IFT57: variants seen among roughly 807,000 people sequenced by gnomAD.
IFT57 encodes intraflagellar transport protein 57 homolog.
IFT57 carries 59 observed loss-of-function variants against 56.8 expected under a neutral mutation model. The observed-to-expected ratio is 1.04, with a 90% CI of 0.84 to 1.29. The LOEUF is 1.29. Among genes scored for constraint, IFT57 ranks in the 50% most tolerant of loss-of-function variants. The probability of loss-of-function intolerance (pLI) is 0.00; values close to 1 mark genes in which losing one functional copy is unlikely to be tolerated. For synonymous variants in IFT57, 209 were observed against 186.1 expected, an observed-to-expected ratio of 1.12 and a Z score of -1.00; for missense variants, 470 against 522.1, an observed-to-expected ratio of 0.90 and a Z score of 0.97.
chr3:108,161,901 T>G lies in IFT57; in HGVS notation c.*576A>C, dbSNP rs1268463801. On this transcript the variant is annotated 3_prime_UTR_variant, in exon 11 of 11. Coordinates refer to ENST00000264538, the MANE Select transcript of IFT57 (RefSeq NM_018010.4). ...AGTGGCTTAGATCCTAGAAGATAGA[T>G]TCCCTATAAAATCATTTTAGCCACG... 1 of 152,192 alleles carries G rather than the reference T, an allele frequency of 6.6e-6. No homozygotes were observed. The highest frequency in any genetic ancestry group is 1.9e-4 in the East Asian group (1 of 5,200). The allele number at this position is 152,192 out of a possible 1,614,324, so 9.4% of individuals were successfully genotyped here.
chr3:108,196,931 C>A (rs548921081), intron 5 of IFT57, among the ~76,000 whole-genome samples: 1 of 152,150 alleles, frequency 6.6e-6, no homozygotes, highest in Non-Finnish European at 1.5e-5. Context: ...TAAAACTATA[C>A]TGTGCCTTGG....
At chr3:108,181,680 A>G (rs1158722884) in intron 6 of IFT57, among the ~76,000 whole-genome samples, 2 of 152,156 alleles carry the variant, frequency 1.3e-5, no homozygotes, top group Non-Finnish European at 2.9e-5. Context: ...TTTAAACAGC[A>G]GCATGTACAT....
rs541845795 is a variant in IFT57, at chr3:108,193,657, C to T, written c.655-2014G>A. On this transcript the variant is annotated intron_variant, in intron 5 of 10. Transcript: ENST00000264538. ...TGGATCTAGGGTAGCCCAAGAGTAT[C>T]ATAGCTGGGGAAGGAGGTGCTGCAT... is the stretch of plus-strand genomic sequence containing the variant. Among the ~76,000 whole-genome samples the T allele has an allele frequency of 3.3e-5, 5 of 152,162 alleles. No individual in the cohort carries two copies. In the South Asian group the frequency reaches 1.0e-3, roughly 32 times the overall value.
At chr3:108,196,337 ACC>A (rs2080244347) in intron 5 of IFT57, among the ~76,000 whole-genome samples, 1 of 151,932 alleles carries the variant, frequency 6.6e-6, no homozygotes. Flanking sequence ...AAGGGCGCAC[ACC>A]CGTCCATACT....
At chr3:108,191,778 TTC>T in intron 5 of IFT57, 135 bp from the exon 6 acceptor site, 1 of 510,708 alleles carries the variant, frequency 2.0e-6, no homozygotes, top group East Asian at 3.4e-5. Context: ...AGAAATTATT[TTC>T]TGTCTTCCTA....
intron 5 of IFT57, among the ~76,000 whole-genome samples, chr3:108,199,714 T>C (rs1021421828): frequency 2.6e-5 from 4 of 152,216 alleles, no homozygotes; most frequent in African/African-American, 9.6e-5. Flanking sequence ...CCAGGAATAG[T>C]GACTAAAACA....
chr3:108,209,479 C>T lies in IFT57; in HGVS notation c.586-2783G>A, dbSNP rs545498888. Among the ~76,000 whole-genome samples the T allele has an allele frequency of 5.3e-5, 8 of 152,166 alleles. No individual in the cohort carries two copies. In the South Asian group the frequency reaches 6.2e-4, roughly 12 times the overall value. ...CATGGATGGTAAGTTGACAAGGGGT[C>T]GACTTTTGATGGTAAATTTTATGTG... On this transcript the variant is annotated intron_variant, in intron 4 of 10. Coordinates refer to ENST00000264538, the MANE Select transcript of IFT57 (RefSeq NM_018010.4).
intron 5 of IFT57, among the ~76,000 whole-genome samples, chr3:108,202,357 A>G (rs1358092122): frequency 6.6e-6 from 1 of 152,248 alleles, no homozygotes; most frequent in African/African-American, 2.4e-5. Flanking sequence ...GGAAATGACT[A>G]GCACACCTTG....
intron 5 of IFT57, among the ~76,000 whole-genome samples, chr3:108,192,823 A>G (rs9871169): frequency 0.096 from 14,625 of 152,114 alleles, 761 homozygotes; most frequent in Middle Eastern, 0.12. Flanking sequence ...AATTTTATAG[A>G]TATGACATGG....
chr3:108,184,506 CCATA>C (rs2080169079), intron 6 of IFT57, among the ~76,000 whole-genome samples: 1 of 150,808 alleles, frequency 6.6e-6, no homozygotes, highest in South Asian at 2.1e-4. Context: ...TTATTTACTA[CCATA>C]AATATACAAA....
At chr3:108,169,235 A>C (rs1338074662) in intron 6 of IFT57, among the ~76,000 whole-genome samples, 2 of 152,056 alleles carry the variant, frequency 1.3e-5, no homozygotes, top group Admixed American at 1.3e-4. Flanking sequence ...CATTGTTCTA[A>C]TTAACAGTGG....
rs773660613 is a variant in IFT57 at position 108,162,557 on chromosome 3, A to C, written c.1210T>G (p.Ser404Ala). ...IGIVEHTLLQ[S>A]KLKEKSNMTR... ...ATGTTGGACTTCTCCTTCAGCTTTG[A>C]TTGGAGTAGTGTGTGTTCCACAATG... is the stretch of plus-strand genomic sequence containing the variant. Residue 404 changes from serine to alanine, a missense_variant, in exon 11 of 11, where the codon TCA becomes GCA. Coordinates refer to ENST00000264538, the MANE Select transcript of IFT57 (RefSeq NM_018010.4). 6.2e-7 allele frequency: 1 copy of C among 1,612,826 alleles called. No individual in the cohort carries two copies. Among genetic ancestry groups the C allele is most frequent in the Non-Finnish European group, 8.5e-7 (1 of 1,179,140 alleles).
chr3:108,162,420 G>T lies in IFT57; in HGVS notation c.*57C>A. The T allele has an allele frequency of 1.5e-6, 2 of 1,377,592 alleles. No homozygotes were observed. The highest frequency in any genetic ancestry group is 2.0e-6 in the Non-Finnish European group (2 of 1,005,084). The allele number at this position is 1,377,592 out of a possible 1,614,324, so 85.3% of individuals were successfully genotyped here. Reference sequence around the variant, plus strand: ...TTATGTTTTGAAATCTATGCAACATGAAATATAGTTTGATATAAAAAACCC... The same window carrying T: ...TTATGTTTTGAAATCTATGCAACATTAAATATAGTTTGATATAAAAAACCC... On this transcript the variant is annotated 3_prime_UTR_variant, in exon 11 of 11. Transcript: ENST00000264538.
chr3:108,221,956 CCG>C, intron 1 of IFT57, 153 bp downstream of exon 1: 1 of 1,424,924 alleles, frequency 7.0e-7, no homozygotes, highest in South Asian at 1.4e-5. Context: ...CACGGACCTC[CCG>C]GGAGTTTGGG....
At chr3:108,194,339 C>T (rs2080231801) in intron 5 of IFT57, among the ~76,000 whole-genome samples, 1 of 151,932 alleles carries the variant, frequency 6.6e-6, no homozygotes, top group African/African-American at 2.4e-5. Context: ...GATGAAAGAA[C>T]TGAAGAGGAC....
At chr3:108,173,997 A>AATGTGTGTGTGTGTGTGTGT (rs59994463) in intron 6 of IFT57, among the ~76,000 whole-genome samples, 5 of 100,720 alleles carry the variant, frequency 5.0e-5, no homozygotes, top group Non-Finnish European at 4.5e-5. Flanking sequence ...CATATATTTG[A>AATGTGTGTGTGTGTGTGTGT]GTGTGTGTGT....
At chr3:108,167,082 A>G in intron 7 of IFT57, 97 bp from the exon 8 acceptor site, 1 of 1,045,832 alleles carries the variant, frequency 9.6e-7, no homozygotes, top group Non-Finnish European at 1.4e-6. Flanking sequence ...TCTACAAATA[A>G]TCAACTACAT....
At chr3:108,200,961 A>C (rs1047176852) in intron 5 of IFT57, among the ~76,000 whole-genome samples, 1 of 152,182 alleles carries the variant, frequency 6.6e-6, no homozygotes, top group African/African-American at 2.4e-5. Flanking sequence ...AAAGGTAAAA[A>C]ATTATACAAA....
At chr3:108,190,972 T>C (rs1276207983) in intron 6 of IFT57, among the ~76,000 whole-genome samples, 3 of 152,130 alleles carry the variant, frequency 2.0e-5, no homozygotes, top group Non-Finnish European at 4.4e-5. Flanking sequence ...TTTGTATTTT[T>C]AGTAGAGACG....
Sources: gnomAD v4.1 joint callset for allele counts (sites outside exome capture counted in the v4.1 genomes callset) on GRCh38, gnomAD v4.1.1 for gene constraint, MANE v1.5 for transcripts, NCBI Gene and HGNC (gene_info 2026-07-23, HGNC 2026-07-21) for gene names.